The following RASGRF2 variants were observed in gnomAD, a reference collection of about 807,000 sequenced individuals.
RASGRF2 encodes the protein ras-specific guanine nucleotide-releasing factor 2.
Under a neutral mutation model 151.0 loss-of-function variants are expected in RASGRF2, and 76 were observed. The ratio of observed to expected loss-of-function variants is 0.50; its 90% CI spans 0.42 to 0.61. The LOEUF (loss-of-function observed/expected upper bound fraction) is 0.61, where lower values mean the gene tolerates loss of function less well. Ranked by LOEUF, RASGRF2 falls within the 20% of genes least tolerant of loss-of-function variation. The pLI is 0.00. For missense variants in RASGRF2, 1,148 were observed against 1,564.6 expected, an observed-to-expected ratio of 0.73 and a Z score of 4.49; for synonymous variants, 504 against 566.5, an observed-to-expected ratio of 0.89 and a Z score of 1.57.
intron 17 of RASGRF2, among the ~76,000 whole-genome samples, chr5:81,157,462 C>A (rs1200377647): frequency 6.6e-6 from 1 of 151,772 alleles, no homozygotes; most frequent in South Asian, 2.1e-4. Context: ...GAGAGATATA[C>A]CAAGTTCGTT....
intron 5 of RASGRF2, among the ~76,000 whole-genome samples, chr5:81,077,327 G>A (rs188191639): frequency 9.8e-5 from 15 of 152,306 alleles, no homozygotes; most frequent in Middle Eastern, 3.4e-3. Context: ...TGGAGGAAGA[G>A]TTCAAGGTCC....
At position 81,219,792 on chromosome 5, in the gene RASGRF2, G is replaced by A; in HGVS notation, c.3621+14G>A. On this transcript the variant is annotated intron_variant, in intron 26 of 26. Transcript: ENST00000265080. ...CATCAGCCAAAGGTAATATTATGTG[G>A]CTGTGAAGAAATTAATAAAGAAAAA... 1.3e-6 allele frequency: 2 copies of A among 1,574,120 alleles called. No individual in the cohort carries two copies. Among genetic ancestry groups the A allele is most frequent in the Non-Finnish European group, 1.7e-6 (2 of 1,149,882 alleles).
intron 2 of RASGRF2, among the ~76,000 whole-genome samples, chr5:81,045,345 T>C (rs764220725): frequency 6.6e-6 from 1 of 152,216 alleles, no homozygotes. Flanking sequence ...AATATCTTGG[T>C]GAACCAAACA....
intron 5 of RASGRF2, among the ~76,000 whole-genome samples, chr5:81,074,258 C>T (rs139245247): frequency 1.3e-5 from 2 of 152,146 alleles, no homozygotes; most frequent in African/African-American, 4.8e-5. Flanking sequence ...AGACAATGAA[C>T]AGCATTAGTG....
chr5:81,170,092 C>T (rs963607114), intron 17 of RASGRF2, among the ~76,000 whole-genome samples: 69 of 136,454 alleles, frequency 5.1e-4, no homozygotes, highest in Non-Finnish European at 9.3e-4. Context: ...CTGCATCACC[C>T]GCACCACATG....
At chr5:81,134,075 T>TGC (rs1157161796) in intron 17 of RASGRF2, among the ~76,000 whole-genome samples, 2 of 126,042 alleles carry the variant, frequency 1.6e-5, no homozygotes, top group African/African-American at 6.6e-5. Context: ...GAAATGCTTG[T>TGC]GTGCGTGTGT....
At chr5:81,044,128 G>A (rs1750761859) in intron 2 of RASGRF2, among the ~76,000 whole-genome samples, 1 of 152,066 alleles carries the variant, frequency 6.6e-6, no homozygotes, top group African/African-American at 2.4e-5. Flanking sequence ...GTAAGAATGA[G>A]GCATTTAGGC....
At chr5:81,011,672 C>T (rs960939597) in intron 1 of RASGRF2, among the ~76,000 whole-genome samples, 2 of 151,388 alleles carry the variant, frequency 1.3e-5, no homozygotes, top group Non-Finnish European at 2.9e-5. Context: ...ACCTGGGAGG[C>T]GGAGGTTGCC....
intron 17 of RASGRF2, among the ~76,000 whole-genome samples, chr5:81,146,009 C>G (rs1217153144): frequency 6.6e-6 from 1 of 152,134 alleles, no homozygotes; most frequent in Non-Finnish European, 1.5e-5. Flanking sequence ...TTCTGGGCAT[C>G]CCCTGTGGAA....
chr5:81,207,232 C>G lies in RASGRF2; in HGVS notation c.2968-14C>G. On this transcript the variant is annotated splice_polypyrimidine_tract_variant and intron_variant, in intron 20 of 26. Transcript: ENST00000265080. ...TCTCCTGGGTGTTTCATTTCCCTCC[C>G]TCATCTCTTGCAGACTGACTGCATG... is the stretch of plus-strand genomic sequence containing the variant. The G allele has an allele frequency of 6.2e-7, 1 of 1,612,984 alleles. No individual in the cohort carries two copies.
intron 2 of RASGRF2, among the ~76,000 whole-genome samples, chr5:81,054,137 C>T (rs2112420469): frequency 6.6e-6 from 1 of 152,338 alleles, no homozygotes; most frequent in African/African-American, 2.4e-5. Flanking sequence ...TAATTAGATC[C>T]CATTTGTCAA....
intron 1 of RASGRF2, among the ~76,000 whole-genome samples, chr5:80,971,836 G>GC (rs1554081915): frequency 7.2e-5 from 11 of 151,970 alleles, no homozygotes; most frequent in African/African-American, 2.4e-4. Flanking sequence ...CTCCCAAAGT[G>GC]CTGGGATTAC....
chr5:81,043,029 G>A lies in RASGRF2; in HGVS notation c.395+46G>A, dbSNP rs941490269. 4.9e-6 allele frequency: 7 copies of A among 1,428,590 alleles called. No individual in the cohort carries two copies. The African/African-American group carries it at 8.4e-5, about 17-fold the overall frequency. 88.5% of individuals were successfully genotyped at this position (1,428,590 alleles called of 1,614,324 possible). A position where few individuals can be genotyped will look rare whatever the true frequency, so the allele number is the denominator to read the frequency against. ...TGTAGTACTTGATTGTCTGGGTCCT[G>A]CATTGGGGTTATCACTGTTGGTGGT... On this transcript the variant is annotated intron_variant, in intron 2 of 26. Coordinates refer to ENST00000265080, the MANE Select transcript of RASGRF2 (RefSeq NM_006909.3).
rs1754159203 is a variant in RASGRF2 at position 81,152,420 on chromosome 5, T to C, written c.2686+25257T>C. Among the ~76,000 whole-genome samples the C allele has an allele frequency of 2.6e-5, 4 of 152,218 alleles. 1 individual carries two copies. In the South Asian group the frequency reaches 8.3e-4, roughly 32 times the overall value. On this transcript the variant is annotated intron_variant, in intron 17 of 26. Transcript: ENST00000265080. ...TTTATATATTGTTCTTACCAAAGTA[T>C]GGTTTAATCCATCTAAGAAGAAAGA...
At chr5:81,204,253 G>C (rs1007335045) in intron 19 of RASGRF2, 5 of 152,200 alleles carry the variant, frequency 3.3e-5, no homozygotes, top group African/African-American at 9.7e-5. Flanking sequence ...AACTGAACCA[G>C]AAGTGCAGAG....
intron 17 of RASGRF2, among the ~76,000 whole-genome samples, chr5:81,163,323 C>T (rs558045545): frequency 2.0e-5 from 3 of 152,134 alleles, no homozygotes; most frequent in Non-Finnish European, 2.9e-5. Flanking sequence ...TGAGCCCTCA[C>T]GCCCCAAAGT....
chr5:81,207,124 T>C (rs1755525716), intron 20 of RASGRF2, 122 bp from the exon 21 acceptor site: 1 of 895,622 alleles, frequency 1.1e-6, no homozygotes, highest in Non-Finnish European at 1.7e-6. Flanking sequence ...ATTTTTTTCA[T>C]AGTTAGAATT....
At chr5:81,144,639 C>G (rs1021009580) in intron 17 of RASGRF2, among the ~76,000 whole-genome samples, 1 of 152,312 alleles carries the variant, frequency 6.6e-6, no homozygotes, top group Non-Finnish European at 1.5e-5. Context: ...AGTGGTTGCA[C>G]TTATTATCAA....
intron 15 of RASGRF2, among the ~76,000 whole-genome samples, chr5:81,121,201 C>T (rs1361447036): frequency 6.6e-6 from 1 of 152,056 alleles, no homozygotes; most frequent in African/African-American, 2.4e-5. Context: ...AGACATTGAT[C>T]CATCTTTAAT....
Sources: gnomAD v4.1 joint callset for allele counts (sites outside exome capture counted in the v4.1 genomes callset) on GRCh38, gnomAD v4.1.1 for gene constraint, MANE v1.5 for transcripts, NCBI Gene and HGNC (gene_info 2026-07-23, HGNC 2026-07-21) for gene names.